The following ETFA variants were observed in gnomAD, a reference collection of about 807,000 sequenced individuals.
The protein encoded by ETFA is electron transfer flavoprotein subunit alpha.
ETFA carries 22 observed loss-of-function variants against 46.2 expected under a neutral mutation model. The observed-to-expected ratio is 0.48, with a 90% CI of 0.34 to 0.68. ETFA has a LOEUF of 0.68. Among genes scored for constraint, ETFA ranks in the 30% least tolerant of loss-of-function variants. ETFA has a pLI of 0.01. For missense variants in ETFA, 345 were observed against 401.1 expected, an observed-to-expected ratio of 0.86 and a Z score of 1.19; for synonymous variants, 131 against 139.9, an observed-to-expected ratio of 0.94 and a Z score of 0.45.
At position 76,311,459 on chromosome 15, in the gene ETFA, A is replaced by T; in HGVS notation, c.-71T>A. 1 of 1,528,616 alleles carries T rather than the reference A, an allele frequency of 6.5e-7. No individual in the cohort carries two copies. The highest frequency in any genetic ancestry group is 1.2e-5 in the South Asian group (1 of 83,760). 94.7% of individuals were successfully genotyped at this position (1,528,616 alleles called of 1,614,324 possible). On this transcript the variant is annotated 5_prime_UTR_variant, in exon 1 of 12. Transcript: ENST00000557943. ...CCGGCCAACTGGCGCCGCCTCAGCC[A>T]GTCACCTAATGCTCGCGAGACGCGC...
At chr15:76,285,834 G>A (rs1170115184) in intron 6 of ETFA, 96 bp from the exon 7 acceptor site, 5 of 827,524 alleles carry the variant, frequency 6.0e-6, no homozygotes, top group Non-Finnish European at 8.3e-6. Flanking sequence ...ATAATTCCAC[G>A]AAATTTAAGT....
chr15:76,251,416 GATA>G (rs2039296214), intron 9 of ETFA, among the ~76,000 whole-genome samples: 1 of 152,202 alleles, frequency 6.6e-6, no homozygotes, highest in South Asian at 2.1e-4. Flanking sequence ...CTGAGAGTAA[GATA>G]ATGATACTAA....
intron 5 of ETFA, among the ~76,000 whole-genome samples, chr15:76,286,996 T>C (rs972064071): frequency 6.6e-6 from 1 of 152,172 alleles, no homozygotes; most frequent in Non-Finnish European, 1.5e-5. Flanking sequence ...TGACAAAATA[T>C]TTTCCCTCAA....
At chr15:76,274,283 T>G in intron 9 of ETFA, 129 bp downstream of exon 9, 2 of 754,950 alleles carry the variant, frequency 2.6e-6, no homozygotes, top group Non-Finnish European at 4.7e-6. Context: ...AAATGACATA[T>G]TCACCATGGT....
At chr15:76,220,629 C>T (rs1399343554) in intron 11 of ETFA, among the ~76,000 whole-genome samples, 1 of 152,034 alleles carries the variant, frequency 6.6e-6, no homozygotes, top group African/African-American at 2.4e-5. Flanking sequence ...ACTAACAACT[C>T]AAGAACAAAA....
chr15:76,300,468 C>G (rs1313111998), intron 1 of ETFA, among the ~76,000 whole-genome samples: 3 of 152,114 alleles, frequency 2.0e-5, no homozygotes, highest in Non-Finnish European at 4.4e-5. Flanking sequence ...CTAAAGAGAG[C>G]TACTCCTAAA....
chr15:76,305,955 C>G (rs1285457915), intron 1 of ETFA, among the ~76,000 whole-genome samples: 1 of 151,572 alleles, frequency 6.6e-6, no homozygotes, highest in African/African-American at 2.4e-5. Flanking sequence ...TCAAGTGATC[C>G]TCCTGCCTCA....
intron 9 of ETFA, among the ~76,000 whole-genome samples, chr15:76,249,997 T>G (rs2141481563): frequency 6.6e-6 from 1 of 152,300 alleles, no homozygotes; most frequent in East Asian, 1.9e-4. Flanking sequence ...CCAAGGCATA[T>G]TTCTCTAGTA....
chr15:76,216,996 T>G (rs2038903560), intron 11 of ETFA, among the ~76,000 whole-genome samples: 1 of 151,868 alleles, frequency 6.6e-6, no homozygotes, highest in Non-Finnish European at 1.5e-5. Context: ...TGTCTAATTC[T>G]TGTAGAGATG....
chr15:76,248,188 T>G (rs2039261752), intron 9 of ETFA, among the ~76,000 whole-genome samples: 1 of 152,066 alleles, frequency 6.6e-6, no homozygotes, highest in African/African-American at 2.4e-5. Context: ...GGTACAGTAA[T>G]AAACAACTGG....
chr15:76,267,976 C>A (rs1019526474), intron 9 of ETFA, among the ~76,000 whole-genome samples: 1 of 152,056 alleles, frequency 6.6e-6, no homozygotes, highest in African/African-American at 2.4e-5. Flanking sequence ...AGTGGACCCA[C>A]CTGTACAGTG....
intron 10 of ETFA, 189 bp from the exon 11 acceptor site, chr15:76,226,118 C>G (rs922606156): frequency 5.2e-6 from 3 of 575,774 alleles, no homozygotes; most frequent in Non-Finnish European, 9.2e-6. Flanking sequence ...TCTCTCTTAC[C>G]CACATCTAGC....
In ETFA at chr15:76,261,010, C is replaced by T. The variant is rs569356431; in HGVS notation, c.816+13402G>A. On this transcript the variant is annotated intron_variant, in intron 9 of 11. Coordinates refer to ENST00000557943, the MANE Select transcript of ETFA (RefSeq NM_000126.4). Reference sequence around the variant, plus strand: ...GTGTTGCCGCTGGAAAGCTTTGTCACGGTGATGTTGAAGGGGACTGCAGGC... The same window carrying T: ...GTGTTGCCGCTGGAAAGCTTTGTCATGGTGATGTTGAAGGGGACTGCAGGC... The T allele has an allele frequency of 3.7e-5, 60 of 1,609,636 alleles. 1 individual carries two copies. The highest frequency in any genetic ancestry group is 2.5e-4 in the East Asian group (11 of 44,850).
At chr15:76,264,779 AAAG>A (rs2039453163) in intron 9 of ETFA, among the ~76,000 whole-genome samples, 4 of 152,238 alleles carry the variant, frequency 2.6e-5, no homozygotes, top group Admixed American at 2.6e-4. Flanking sequence ...TGAAAGTAGG[AAAG>A]AATATGTCCC....
intron 9 of ETFA, among the ~76,000 whole-genome samples, chr15:76,255,454 T>C (rs1292248152): frequency 6.6e-6 from 1 of 152,230 alleles, no homozygotes; most frequent in African/African-American, 2.4e-5. Context: ...GCTGAGAGAC[T>C]AATAAAGGTG....
At chr15:76,228,189 T>C in intron 10 of ETFA, 1 of 356,742 alleles carries the variant, frequency 2.8e-6, no homozygotes, top group South Asian at 2.2e-5. Context: ...ACAATTGTTA[T>C]TATCATTATT....
chr15:76,304,533 G>A (rs1249344645), intron 1 of ETFA, among the ~76,000 whole-genome samples: 3 of 151,966 alleles, frequency 2.0e-5, no homozygotes, highest in African/African-American at 7.3e-5. Flanking sequence ...ATGTGGTGGC[G>A]CATTCCCGTA....
At chr15:76,260,950 C>T in intron 9 of ETFA, 1 of 1,611,260 alleles carries the variant, frequency 6.2e-7, no homozygotes, top group African/African-American at 1.3e-5. Flanking sequence ...TGCAGCAGGG[C>T]TCGGCCATCA....
At chr15:76,227,900 G>C (rs1173143212) in intron 10 of ETFA, 1 of 455,974 alleles carries the variant, frequency 2.2e-6, no homozygotes, top group Non-Finnish European at 4.4e-6. Flanking sequence ...CCAGGTAACT[G>C]CTAATCCAGA....
Sources: gnomAD v4.1 joint callset for allele counts (sites outside exome capture counted in the v4.1 genomes callset) on GRCh38, gnomAD v4.1.1 for gene constraint, MANE v1.5 for transcripts, NCBI Gene and HGNC (gene_info 2026-07-23, HGNC 2026-07-21) for gene names.